YAP1: variants seen among roughly 807,000 people sequenced by gnomAD.
YAP1 encodes Yes1 associated transcriptional regulator.
YAP1 carries 5 observed loss-of-function variants against 56.9 expected under a neutral mutation model. That is an observed-to-expected ratio of 0.09 (90% confidence interval 0.05 to 0.18). YAP1 has a LOEUF of 0.18. YAP1 is among the 10% of genes least tolerant of loss of function. The pLI, the probability that YAP1 is intolerant of heterozygous loss-of-function variation, is 1.00. For synonymous variants in YAP1, 265 were observed against 248.1 expected, an observed-to-expected ratio of 1.07 and a Z score of -0.64; for missense variants, 539 against 651.8, an observed-to-expected ratio of 0.83 and a Z score of 1.88.
chr11:102,166,689 C>T (rs1373370380), intron 3 of YAP1, among the ~76,000 whole-genome samples: 1 of 152,210 alleles, frequency 6.6e-6, no homozygotes, highest in Non-Finnish European at 1.5e-5. Context: ...CTACACCGTG[C>T]TTTTGAAGCA....
intron 3 of YAP1, among the ~76,000 whole-genome samples, chr11:102,173,557 C>T (rs1947049014): frequency 6.6e-6 from 1 of 152,120 alleles, no homozygotes; most frequent in Non-Finnish European, 1.5e-5. Flanking sequence ...CATTTAAGCA[C>T]CTACTGGGAG....
At chr11:102,185,078 T>G (rs545537494) in intron 3 of YAP1, among the ~76,000 whole-genome samples, 1 of 152,208 alleles carries the variant, frequency 6.6e-6, no homozygotes, top group Non-Finnish European at 1.5e-5. Context: ...AGAAAAGATT[T>G]TAGCCATGTA....
intron 6 of YAP1, among the ~76,000 whole-genome samples, chr11:102,221,363 T>C (rs1949920242): frequency 6.6e-6 from 1 of 152,166 alleles, no homozygotes; most frequent in Non-Finnish European, 1.5e-5. Context: ...AGGAATTTCA[T>C]TGATACAGTT....
At chr11:102,182,347 C>T (rs1591345967) in intron 3 of YAP1, among the ~76,000 whole-genome samples, 2 of 152,260 alleles carry the variant, frequency 1.3e-5, no homozygotes, top group East Asian at 3.9e-4. Flanking sequence ...TCTCCTCTTA[C>T]ATTTATTTTT....
At position 102,184,901 on chromosome 11, in the gene YAP1, A is replaced by T. The variant is rs535154373; in HGVS notation, c.689-1117A>T. On this transcript the variant is annotated intron_variant, in intron 3 of 8. Coordinates refer to ENST00000282441, the MANE Select transcript of YAP1 (RefSeq NM_001130145.3). ...GTACTAACTAGCTTTGGGATCTTGT[A>T]CCAGACTGATCAACCTGGCACTTTG... Among the ~76,000 whole-genome samples the T allele has an allele frequency of 1.2e-4, 19 of 152,364 alleles. No homozygotes were observed. The East Asian group carries it at 3.7e-3, about 29-fold the overall frequency.
chr11:102,201,950 T>G (rs1948881636), intron 4 of YAP1, among the ~76,000 whole-genome samples: 3 of 152,028 alleles, frequency 2.0e-5, no homozygotes, highest in Admixed American at 2.0e-4. Context: ...TTGGAACATC[T>G]TTTTGTGCCT....
chr11:102,118,114 G>T (rs1943404535), intron 2 of YAP1, among the ~76,000 whole-genome samples: 1 of 152,082 alleles, frequency 6.6e-6, no homozygotes. Flanking sequence ...TACCATGTAG[G>T]ACCTTATAAT....
chr11:102,172,474 G>T, intron 3 of YAP1, among the ~76,000 whole-genome samples: 1 of 73,314 alleles, frequency 1.4e-5, no homozygotes, highest in Non-Finnish European at 2.9e-5. Flanking sequence ...ACCATGCACA[G>T]CGTTTTTTTT....
At chr11:102,228,634 C>CAAAA (rs71059544) in intron 8 of YAP1, among the ~76,000 whole-genome samples, 13 of 31,642 alleles carry the variant, frequency 4.1e-4, no homozygotes, top group African/African-American at 4.6e-4. Context: ...GACTCCGTCT[C>CAAAA]AAAAAAAAAA....
rs547385973 is a variant in YAP1, at chr11:102,120,606, G to T, written c.572+6212G>T. ...GTTCTTCAGCAGGATTCTCAGTTGG[G>T]GGTGGGTGAGGGGACATTTTATTAA... On this transcript the variant is annotated intron_variant, in intron 2 of 8. Coordinates refer to ENST00000282441, the MANE Select transcript of YAP1 (RefSeq NM_001130145.3). 1.1e-3 allele frequency among the ~76,000 whole-genome samples: 173 copies of T among 152,300 alleles called. 1 individual carries two copies. The highest frequency in any genetic ancestry group is 4.0e-3 in the African/African-American group (167 of 41,560).
chr11:102,143,715 T>C (rs1431568019), intron 2 of YAP1, among the ~76,000 whole-genome samples: 1 of 152,256 alleles, frequency 6.6e-6, no homozygotes, highest in South Asian at 2.1e-4. Context: ...TTGTTTTATC[T>C]GAAAACCAGT....
chr11:102,201,281 G>A lies in YAP1; in HGVS notation c.803-4612G>A, dbSNP rs561324360. On this transcript the variant is annotated intron_variant, in intron 4 of 8. Coordinates refer to ENST00000282441, the MANE Select transcript of YAP1 (RefSeq NM_001130145.3). ...ATTGTTACAAAGGCAAAAGCAAAGT[G>A]GAAGGAAGTATGCATAGTATGCTAC... 1.2e-4 allele frequency among the ~76,000 whole-genome samples: 19 copies of A among 152,280 alleles called. 1 individual carries two copies. The South Asian group carries it at 3.9e-3, about 32-fold the overall frequency.
At chr11:102,178,031 A>C (rs1410271224) in intron 3 of YAP1, among the ~76,000 whole-genome samples, 1 of 152,208 alleles carries the variant, frequency 6.6e-6, no homozygotes, top group African/African-American at 2.4e-5. Flanking sequence ...ATGATCCTGG[A>C]CAAGCTAACT....
intron 2 of YAP1, among the ~76,000 whole-genome samples, chr11:102,120,697 T>C (rs997400799): frequency 7.2e-5 from 11 of 152,216 alleles, no homozygotes; most frequent in African/African-American, 2.2e-4. Flanking sequence ...TCTGTTTGTT[T>C]TTAAAGTAAG....
At chr11:102,137,384 G>A (rs1247202873) in intron 2 of YAP1, among the ~76,000 whole-genome samples, 2 of 152,136 alleles carry the variant, frequency 1.3e-5, no homozygotes, top group African/African-American at 4.8e-5. Flanking sequence ...TCTCCTTAAA[G>A]TTTGTGGGAT....
chr11:102,193,606 G>A (rs1474921899), intron 4 of YAP1, among the ~76,000 whole-genome samples: 1 of 152,088 alleles, frequency 6.6e-6, no homozygotes, highest in Admixed American at 6.5e-5. Flanking sequence ...ATTTCTACTT[G>A]ATCAGTATTT....
At chr11:102,142,354 C>G (rs1945069603) in intron 2 of YAP1, among the ~76,000 whole-genome samples, 1 of 152,150 alleles carries the variant, frequency 6.6e-6, no homozygotes, top group South Asian at 2.1e-4. Context: ...AATATTTGTC[C>G]TGTTTGAGAA....
chr11:102,152,839 T>C (rs775887540), intron 2 of YAP1, among the ~76,000 whole-genome samples: 4 of 152,198 alleles, frequency 2.6e-5, no homozygotes, highest in Non-Finnish European at 1.5e-5. Context: ...CTTGGAAATA[T>C]ATGTATTCTG....
At chr11:102,201,305 A>G (rs1051771533) in intron 4 of YAP1, among the ~76,000 whole-genome samples, 1 of 152,198 alleles carries the variant, frequency 6.6e-6, no homozygotes, top group Non-Finnish European at 1.5e-5. Context: ...ATAGTATGCT[A>G]CCATATATCA....
Sources: allele counts gnomAD v4.1 joint callset (sites outside exome capture counted in the v4.1 genomes callset), GRCh38; gene constraint gnomAD v4.1.1; transcripts MANE v1.5; gene names NCBI Gene and HGNC (gene_info 2026-07-23, HGNC 2026-07-21).